Variants in CILP2 observed in about 807,000 individuals in gnomAD.
CILP2 encodes the protein CILP-2.
Under a neutral mutation model 45.6 loss-of-function variants are expected in CILP2, and 38 were observed. The observed-to-expected ratio is 0.83, with a 90% CI of 0.64 to 1.09. The LOEUF is 1.09. Ranked by LOEUF, CILP2 falls within the 50% of genes least tolerant of loss-of-function variation. The probability of loss-of-function intolerance (pLI) is 0.00; values close to 1 mark genes in which losing one functional copy is unlikely to be tolerated. For synonymous variants in CILP2, 780 were observed against 723.5 expected, an observed-to-expected ratio of 1.08 and a Z score of -1.25; for missense variants, 1,735 against 1,662.2, an observed-to-expected ratio of 1.04 and a Z score of -0.76.
At position 19,543,749 on chromosome 19, in the gene CILP2, C is replaced by A; in HGVS notation, c.1204C>A (p.Gln402Lys). 6.2e-7 allele frequency: 1 copy of A among 1,613,436 alleles called. No homozygotes were observed. Among genetic ancestry groups the A allele is most frequent in the Admixed American group, 1.7e-5 (1 of 59,992 alleles). Residue 402 changes from glutamine to lysine, a missense_variant, in exon 8 of 8, where the codon CAG (glutamine) becomes AAG (lysine). Physicochemically the swap from Gln to Lys is moderately conservative, Grantham distance 53. Transcript: ENST00000291495. ...GATCAAGCTCCCTGAGGACTGTGGT[C>A]AGCCAGGTAGTGGCCCTGCCTACCT... ...YLIKLPEDCGQPGSGPAYLDV... is the reference protein window; with the variant it reads ...YLIKLPEDCGKPGSGPAYLDV...
intron 2 of CILP2, 119 bp from the exon 3 acceptor site, chr19:19,540,085 G>A (rs941055590): frequency 1.3e-5 from 17 of 1,329,124 alleles, no homozygotes; most frequent in Admixed American, 6.1e-5. Context: ...GGTCGTGGGC[G>A]CGCTCGGCTA....
At chr19:19,541,022 T>G (rs569465396) in intron 3 of CILP2, 69 bp from the exon 4 acceptor site, 5 of 1,216,562 alleles carry the variant, frequency 4.1e-6, no homozygotes, top group Admixed American at 8.4e-5. Flanking sequence ...GGTCCTTTAG[T>G]CCCAGGTTAC....
Position 19,542,593 on chromosome 19 carries a change from G to A in CILP2, c.811G>A (p.Ala271Thr), listed in dbSNP as rs557490588. 4 of 1,614,072 alleles carry A rather than the reference G, an allele frequency of 2.5e-6. No individual in the cohort carries two copies. The highest frequency in any genetic ancestry group is 3.4e-6 in the Non-Finnish European group (4 of 1,180,002). Reference protein sequence around the residue: ...AQMDGFSAGEAQAQANGSISV... With the variant: ...AQMDGFSAGETQAQANGSISV... ...GATGGATGGCTTCTCTGCAGGGGAG[G>A]CCCAGGCCCAGGCCAACGGATCCAT... Residue 271 changes from alanine to threonine, a missense_variant, in exon 5 of 8, where the codon GCC becomes ACC. Transcript: ENST00000291495.
chr19:19,545,545 C>T lies in CILP2; in HGVS notation c.3000C>T (p.Phe1000=), dbSNP rs1418099231. ...CVEFKCSGML[F]DQRQVDRTLV... is the part of the protein sequence containing the mutation. Reference sequence around the variant, plus strand: ...AGTTCAAGTGCAGCGGGATGCTGTTCGACCAGCGGCAGGTGGACAGGACGC... The same window carrying T: ...AGTTCAAGTGCAGCGGGATGCTGTTTGACCAGCGGCAGGTGGACAGGACGC... The change falls in exon 8 of 8, where the codon TTC becomes TTT. Residue 1000 remains phenylalanine, a synonymous_variant. Transcript: ENST00000291495. 13 of 1,612,266 alleles carry T rather than the reference C, an allele frequency of 8.1e-6. No individual in the cohort carries two copies. Among genetic ancestry groups the T allele is most frequent in the African/African-American group, 5.3e-5 (4 of 74,942 alleles).
rs182101713 is a variant in CILP2, at chr19:19,546,340, T to G, written c.*324T>G. ...CTTCTCGTGCGTATTTTGACCCTGA[T>G]TTCAATCTTCTACCCTTGGGAGTTC... On this transcript the variant is annotated 3_prime_UTR_variant, in exon 8 of 8. Coordinates refer to ENST00000291495, the MANE Select transcript of CILP2 (RefSeq NM_153221.2). 12 of 226,446 alleles carry G rather than the reference T, an allele frequency of 5.3e-5. No homozygotes were observed. Among genetic ancestry groups the G allele is most frequent in the African/African-American group, 2.7e-4 (12 of 44,120 alleles). The allele number at this position is 226,446 out of a possible 1,614,324, so 14.0% of individuals were successfully genotyped here. A position where few individuals can be genotyped will look rare whatever the true frequency, so the allele number is the denominator to read the frequency against.
Position 19,544,017 on chromosome 19 carries a change from C to G in CILP2, c.1472C>G (p.Ala491Gly), listed in dbSNP as rs752646991. The change falls in exon 8 of 8, where the codon GCC becomes GGC. Residue 491 changes from alanine (A) to glycine (G), a missense_variant. By Grantham distance (60) the Ala-to-Gly change is moderately conservative. Coordinates refer to ENST00000291495, the MANE Select transcript of CILP2 (RefSeq NM_153221.2). The stretch of plus-strand genomic sequence containing the variant: ...GACTCCGGGGAGCCGCTACGCTTCG[C>G]CAGGATTCTGCTGGGCCAGGAGCCC... ...AADSGEPLRF[A>G]RILLGQEPIG... The G allele has an allele frequency of 1.5e-5, 25 of 1,613,706 alleles. No individual in the cohort carries two copies. In the East Asian group the frequency reaches 4.9e-4, roughly 32 times the overall value.
In CILP2 at chr19:19,540,284, T is replaced by C. The variant is rs1278294903; in HGVS notation, c.244T>C (p.Phe82Leu). The change falls in exon 3 of 8, where the codon TTC becomes CTC. Residue 82 changes from phenylalanine (F) to leucine (L), a missense_variant. Physicochemically the swap from Phe to Leu is conservative, Grantham distance 22. Transcript: ENST00000291495. ...CTTCGAGAGCCTGGCTGCCATCCGC[T>C]TCTACTACGGGCCAGCGCGCGTGTG... Reference protein sequence around the residue: ...GDFESLAAIRFYYGPARVCPR... With the variant: ...GDFESLAAIRLYYGPARVCPR... 3 of 1,598,536 alleles carry C rather than the reference T, an allele frequency of 1.9e-6. No homozygotes were observed. Among genetic ancestry groups the C allele is most frequent in the African/African-American group, 1.3e-5 (1 of 74,324 alleles).
chr19:19,539,580 A>AAAGGGG (rs61235376), intron 1 of CILP2, 99 bp from the exon 2 acceptor site: 32 of 555,014 alleles, frequency 5.8e-5, no homozygotes, highest in Non-Finnish European at 6.7e-5. Context: ...AAAAAAAAAA[A>AAAGGGG]GGGGGGGGAT....
chr19:19,540,594 C>T, intron 3 of CILP2, 118 bp downstream of exon 3: 1 of 1,164,562 alleles, frequency 8.6e-7, no homozygotes, highest in Non-Finnish European at 1.1e-6. Context: ...GTGGGCGTGG[C>T]TGGGAAGAGC....
rs369133497 is a variant in CILP2 at position 19,545,953 on chromosome 19, G to A, written c.3408G>A (p.Ala1136=). The A allele has an allele frequency of 3.4e-4, 526 of 1,557,022 alleles. No homozygotes were observed. The highest frequency in any genetic ancestry group is 4.2e-4 in the Non-Finnish European group (481 of 1,146,798). ...ACATCCGCAGGGAGATGAGCGAGGC[G>A]GCGCAGGCACAGGCCCGGGCCTCAG... ...LGDIRREMSE[A]AQAQARASGP... is the part of the protein sequence containing the mutation. Residue 1136 remains alanine, a synonymous_variant, in exon 8 of 8, where the codon GCG becomes GCA. Coordinates refer to ENST00000291495, the MANE Select transcript of CILP2 (RefSeq NM_153221.2).
In CILP2 at chr19:19,544,751, C is replaced by T. The variant is rs1360171405; in HGVS notation, c.2206C>T (p.Arg736Cys). The part of the protein sequence containing the change: ...LFNLDVPERR[R>C]CFVKVRAYAN... ...CAATCTGGACGTGCCTGAGCGCCGCCGCTGCTTCGTGAAGGTGCGCGCCTA... is the reference window on the plus strand; with the variant it reads ...CAATCTGGACGTGCCTGAGCGCCGCTGCTGCTTCGTGAAGGTGCGCGCCTA... The change falls in exon 8 of 8, where the codon CGC becomes TGC. Residue 736 changes from arginine (R) to cysteine (C), a missense_variant. Physicochemically the swap from Arg to Cys is radical, Grantham distance 180. Transcript: ENST00000291495. 1.2e-6 allele frequency: 2 copies of T among 1,606,330 alleles called. No homozygotes were observed. The highest frequency in any genetic ancestry group is 1.1e-5 in the South Asian group (1 of 90,974).
chr19:19,543,065 G>A, intron 6 of CILP2, 93 bp downstream of exon 6: 1 of 1,031,780 alleles, frequency 9.7e-7, no homozygotes, highest in Non-Finnish European at 1.5e-6. Context: ...CTGGAGAGTG[G>A]GGAAAGCGTT....
At position 19,545,343 on chromosome 19, in the gene CILP2, C is replaced by T. The variant is rs771549031; in HGVS notation, c.2798C>T (p.Pro933Leu). The T allele has an allele frequency of 6.2e-7, 1 of 1,612,230 alleles. No homozygotes were observed. Among genetic ancestry groups the T allele is most frequent in the Admixed American group, 1.7e-5 (1 of 59,914 alleles). The change falls in exon 8 of 8, where the codon CCG becomes CTG. Residue 933 changes from proline (P) to leucine (L), a missense_variant. Coordinates refer to ENST00000291495, the MANE Select transcript of CILP2 (RefSeq NM_153221.2). The stretch of plus-strand genomic sequence containing the variant: ...GATCTCCTGGCCTGGTGGCCCAACC[C>T]GCAGGAGTTCCGGGCCTGCTTCCTC... ...TGDLLAWWPN[P>L]QEFRACFLKV...
In CILP2 at chr19:19,542,522, G is replaced by A. The variant is rs765969380; in HGVS notation, c.740G>A (p.Arg247Gln). ...VATSDAHGTF[R>Q]VPGVCADSRA... ...ACCAGCGATGCTCACGGAACCTTCC[G>A]GGTGCCTGGTGTCTGTGCTGACAGC... Residue 247 changes from arginine to glutamine, a missense_variant, in exon 5 of 8, where the codon CGG becomes CAG. Arg to Gln is a conservative substitution (Grantham distance 43). Coordinates refer to ENST00000291495, the MANE Select transcript of CILP2 (RefSeq NM_153221.2). 3.5e-5 allele frequency: 56 copies of A among 1,613,848 alleles called. No homozygotes were observed. The Admixed American group carries it at 3.7e-4, about 11-fold the overall frequency.
chr19:19,545,300 C>G lies in CILP2; in HGVS notation c.2755C>G (p.Pro919Ala). 6.2e-7 allele frequency: 1 copy of G among 1,612,946 alleles called. No homozygotes were observed. Among genetic ancestry groups the G allele is most frequent in the Non-Finnish European group, 8.5e-7 (1 of 1,179,924 alleles). Reference sequence around the variant, plus strand: ...CGTGGTCCCCTTCCGAGAGGGCACACCTGCCTCCTGGACTGGCGATCTCCT... The same window carrying G: ...CGTGGTCCCCTTCCGAGAGGGCACAGCTGCCTCCTGGACTGGCGATCTCCT... Reference protein sequence around the residue: ...YNVVPFREGTPASWTGDLLAW... With the variant: ...YNVVPFREGTAASWTGDLLAW... Residue 919 changes from proline (P) to alanine (A), a missense_variant, in exon 8 of 8, where the codon CCT becomes GCT. Coordinates refer to ENST00000291495, the MANE Select transcript of CILP2 (RefSeq NM_153221.2).
At chr19:19,540,773 A>G (rs2061240502) in intron 3 of CILP2, 4 of 450,770 alleles carry the variant, frequency 8.9e-6, no homozygotes, top group Middle Eastern at 5.5e-4. Flanking sequence ...CGCTGCCCTC[A>G]TTTGAGCATC....
rs1167825364 is a variant in CILP2, at chr19:19,545,414, A to C, written c.2869A>C (p.Asn957His). 1 of 1,612,680 alleles carries C rather than the reference A, an allele frequency of 6.2e-7. No individual in the cohort carries two copies. Among genetic ancestry groups the C allele is most frequent in the Non-Finnish European group, 8.5e-7 (1 of 1,179,850 alleles). Residue 957 changes from asparagine (N) to histidine (H), a missense_variant, in exon 8 of 8, where the codon AAC (asparagine) becomes CAC (histidine). Asn to His is a moderately conservative substitution (Grantham distance 68). Transcript: ENST00000291495. The stretch of plus-strand genomic sequence containing the variant: ...CCAGGAGTATATGGTCCGCTCCCAC[A>C]ACGCAGGGGGCAGCCACCCACGCAC... ...GPQEYMVRSHNAGGSHPRTRG... is the reference protein window; with the variant it reads ...GPQEYMVRSHHAGGSHPRTRG...
chr19:19,541,967 G>A (rs77616520), intron 4 of CILP2, among the ~76,000 whole-genome samples: 23,690 of 152,254 alleles, frequency 0.16, 1,956 homozygotes, highest in Middle Eastern at 0.28. Flanking sequence ...GAAGTTTCCA[G>A]TGGAATTTTC....
chr19:19,539,424 C>T (rs543828197), intron 1 of CILP2, among the ~76,000 whole-genome samples: 136 of 152,070 alleles, frequency 8.9e-4, no homozygotes, highest in African/African-American at 3.2e-3. Flanking sequence ...ATTAGCTAGG[C>T]CTGGTGGAGC....
Sources: allele counts gnomAD v4.1 joint callset (sites outside exome capture counted in the v4.1 genomes callset), GRCh38; gene constraint gnomAD v4.1.1; transcripts MANE v1.5; gene names NCBI Gene and HGNC (gene_info 2026-07-23, HGNC 2026-07-21).